The following AP4E1 variants were observed in gnomAD, a reference collection of about 807,000 sequenced individuals.
AP4E1 encodes the protein AP-4 complex subunit epsilon-1.
In AP4E1, 56 loss-of-function variants were observed where a neutral mutation model predicts 128.2. That is an observed-to-expected ratio of 0.44 (90% CI 0.35 to 0.55). AP4E1 has a LOEUF of 0.55. AP4E1 is among the 20% of genes least tolerant of loss of function. AP4E1 has a pLI of 0.00. For missense variants in AP4E1, 1,324 were observed against 1,307.7 expected, an observed-to-expected ratio of 1.01 and a Z score of -0.19; for synonymous variants, 484 against 473.1, an observed-to-expected ratio of 1.02 and a Z score of -0.30.
At position 50,941,842 on chromosome 15, in the gene AP4E1, TAG is replaced by T. The variant is rs544333145; in HGVS notation, c.1176+73_1176+74del. The T allele has an allele frequency of 7.3e-5, 88 of 1,204,176 alleles. No homozygotes were observed. In the South Asian group the frequency reaches 1.1e-3, roughly 15 times the overall value. The allele number at this position is 1,204,176 out of a possible 1,614,324, so 74.6% of individuals were successfully genotyped here. A position where few individuals can be genotyped will look rare whatever the true frequency, so the allele number is the denominator to read the frequency against. On this transcript the variant is annotated intron_variant, in intron 10 of 20. Transcript: ENST00000261842. ...TTTTAAAAATTTTGTTGGCATTGTGTAGAGAGATTAAAGTGGTGGGCAGTGTG... is the reference window on the plus strand; with the variant it reads ...TTTTAAAAATTTTGTTGGCATTGTGTAGAGATTAAAGTGGTGGGCAGTGTG...
At chr15:50,945,713 T>C (rs11635054) in intron 10 of AP4E1, 128,276 of 782,428 alleles carry the variant, frequency 0.16, 12,192 homozygotes, top group Admixed American at 0.29. Flanking sequence ...AACATTTGCC[T>C]GTGGAAAGCT....
chr15:50,957,676 T>TTTTA (rs1555458350), intron 13 of AP4E1, among the ~76,000 whole-genome samples: 1 of 140,742 alleles, frequency 7.1e-6, no homozygotes, highest in African/African-American at 2.7e-5. Context: ...CGTTTCTTTT[T>TTTTA]TTTTTTTTTT....
At chr15:50,947,078 A>G (rs548989691) in intron 10 of AP4E1, among the ~76,000 whole-genome samples, 1 of 152,202 alleles carries the variant, frequency 6.6e-6, no homozygotes, top group African/African-American at 2.4e-5. Flanking sequence ...CCTGGGCTAC[A>G]GAGTGAGACT....
chr15:50,930,675 A>C (rs1191346502), intron 6 of AP4E1, 130 bp from the exon 7 acceptor site: 1 of 902,188 alleles, frequency 1.1e-6, no homozygotes, highest in African/African-American at 1.7e-5. Flanking sequence ...TACATATTAG[A>C]GCACTGTTTC....
chr15:50,949,425 A>AAG (rs1160398045), intron 11 of AP4E1, among the ~76,000 whole-genome samples: 5 of 151,954 alleles, frequency 3.3e-5, no homozygotes, highest in African/African-American at 1.2e-4. Flanking sequence ...AAAAAAAAAA[A>AAG]AAAGGAAAAA....
intron 8 of AP4E1, among the ~76,000 whole-genome samples, chr15:50,936,561 C>G (rs894966637): frequency 6.6e-6 from 1 of 152,176 alleles, no homozygotes; most frequent in Non-Finnish European, 1.5e-5. Context: ...GGGATAACCA[C>G]TGTTACCCGT....
chr15:50,949,926 C>G lies in AP4E1; in HGVS notation c.1417C>G (p.Leu473Val). Reference sequence around the variant, plus strand: ...TGATATTCCCAATAACTTTCTGAGACTACTAGCGGAAGGTTGGTACACTAT... The same window carrying G: ...TGATATTCCCAATAACTTTCTGAGAGTACTAGCGGAAGGTTGGTACACTAT... Reference protein sequence around the residue: ...HPDIPNNFLRLLAEGFDDETE... With the variant: ...HPDIPNNFLRVLAEGFDDETE... The change falls in exon 12 of 21, where the codon CTA becomes GTA. Residue 473 changes from leucine (L) to valine (V), a missense_variant. Transcript: ENST00000261842. 1.9e-6 allele frequency: 3 copies of G among 1,612,220 alleles called. No individual in the cohort carries two copies. Among genetic ancestry groups the G allele is most frequent in the Non-Finnish European group, 2.5e-6 (3 of 1,178,434 alleles).
chr15:50,942,128 G>A (rs1354917261), intron 10 of AP4E1, among the ~76,000 whole-genome samples: 1 of 152,116 alleles, frequency 6.6e-6, no homozygotes, highest in Non-Finnish European at 1.5e-5. Context: ...TATTGGCCAG[G>A]CCGATCCTGA....
At chr15:50,995,134 A>G (rs912022709) in intron 17 of AP4E1, among the ~76,000 whole-genome samples, 4 of 152,158 alleles carry the variant, frequency 2.6e-5, no homozygotes, top group Non-Finnish European at 5.9e-5. Context: ...ATACTGGGGC[A>G]AAGCAGACAG....
chr15:50,972,949 G>C (rs567029037), intron 15 of AP4E1, among the ~76,000 whole-genome samples: 1 of 152,138 alleles, frequency 6.6e-6, no homozygotes, highest in Non-Finnish European at 1.5e-5. Flanking sequence ...AGAATTCTTC[G>C]TTCAACAAAA....
At chr15:50,944,096 C>T (rs2064023678) in intron 10 of AP4E1, among the ~76,000 whole-genome samples, 2 of 152,182 alleles carry the variant, frequency 1.3e-5, no homozygotes, top group Admixed American at 1.3e-4. Flanking sequence ...TGTTTGGTCC[C>T]TTACCTGCAG....
intron 17 of AP4E1, among the ~76,000 whole-genome samples, chr15:50,997,096 T>G (rs2064886488): frequency 6.6e-6 from 1 of 152,212 alleles, no homozygotes; most frequent in Non-Finnish European, 1.5e-5. Context: ...TTCTTCGGAT[T>G]CCATGTGTTT....
At chr15:50,968,909 C>A (rs750329299) in intron 15 of AP4E1, among the ~76,000 whole-genome samples, 2 of 151,788 alleles carry the variant, frequency 1.3e-5, no homozygotes, top group Non-Finnish European at 2.9e-5. Context: ...TGAGCCACTG[C>A]GACTGGCCAT....
chr15:50,908,533 A>T, upstream of AP4E1: 1 of 433,470 alleles, frequency 2.3e-6, no homozygotes, highest in Non-Finnish European at 4.0e-6. Flanking sequence ...CCCCGTCGCG[A>T]GAAAGGAGGT....
chr15:50,970,783 A>G (rs2064467748), intron 15 of AP4E1, among the ~76,000 whole-genome samples: 3 of 152,056 alleles, frequency 2.0e-5, no homozygotes. Context: ...TAGGCAGTGT[A>G]TTGTTGAGTC....
At chr15:50,921,964 G>A (rs953874827) in intron 3 of AP4E1, among the ~76,000 whole-genome samples, 1 of 151,878 alleles carries the variant, frequency 6.6e-6, no homozygotes, top group Non-Finnish European at 1.5e-5. Flanking sequence ...TGGTGACTTG[G>A]GAATGGGTGA....
At chr15:50,909,187 C>T (rs568806523) in intron 1 of AP4E1, among the ~76,000 whole-genome samples, 1 of 152,350 alleles carries the variant, frequency 6.6e-6, no homozygotes, top group South Asian at 2.1e-4. Flanking sequence ...ACCTCTGAGC[C>T]TCCGTGTGTT....
intron 16 of AP4E1, among the ~76,000 whole-genome samples, chr15:50,988,007 C>G (rs1159082600): frequency 6.6e-6 from 1 of 152,034 alleles, no homozygotes; most frequent in African/African-American, 2.4e-5. Flanking sequence ...TACATCCAGG[C>G]TGATGTTTAA....
chr15:50,931,981 AT>A (rs368281917), intron 7 of AP4E1, among the ~76,000 whole-genome samples: 9 of 146,130 alleles, frequency 6.2e-5, no homozygotes, highest in South Asian at 2.2e-4. Context: ...CAATTTTGCC[AT>A]TTTTTTTTTG....
Sources: allele counts gnomAD v4.1 joint callset (sites outside exome capture counted in the v4.1 genomes callset), GRCh38; gene constraint gnomAD v4.1.1; transcripts MANE v1.5; gene names NCBI Gene and HGNC (gene_info 2026-07-23, HGNC 2026-07-21).